ING3: variants seen among roughly 807,000 people sequenced by gnomAD.
ING3 encodes the protein inhibitor of growth family member 3, also known as inhibitor of growth protein 3.
In ING3, 6 loss-of-function variants were observed where a neutral mutation model predicts 64.8. The ratio of observed to expected loss-of-function variants is 0.09; its 90% CI spans 0.05 to 0.18. The LOEUF (loss-of-function observed/expected upper bound fraction) is 0.18, where lower values mean the gene tolerates loss of function less well. Among genes scored for constraint, ING3 ranks in the 10% least tolerant of loss-of-function variants. The pLI, the probability that ING3 is intolerant of heterozygous loss-of-function variation, is 1.00. For synonymous variants in ING3, 170 were observed against 173.7 expected, an observed-to-expected ratio of 0.98 and a Z score of 0.17; for missense variants, 310 against 489.7, an observed-to-expected ratio of 0.63 and a Z score of 3.46.
intron 4 of ING3, among the ~76,000 whole-genome samples, chr7:120,962,073 T>TTGAG (rs1795940089): frequency 6.6e-6 from 1 of 152,136 alleles, no homozygotes. Context: ...ATCATGTAGG[T>TTGAG]TGAGGGAATG....
intron 4 of ING3, among the ~76,000 whole-genome samples, chr7:120,957,229 G>A (rs1242535087): frequency 6.6e-6 from 1 of 152,046 alleles, no homozygotes; most frequent in African/African-American, 2.4e-5. Flanking sequence ...AATATTAGCC[G>A]GGCCTGGTGG....
chr7:120,965,459 G>A (rs1386056076), intron 5 of ING3, among the ~76,000 whole-genome samples: 3 of 152,000 alleles, frequency 2.0e-5, no homozygotes, highest in Admixed American at 6.6e-5. Context: ...AACTAATTTA[G>A]CATTTCTTCA....
Position 120,976,556 on chromosome 7 carries a change from T to C in ING3, c.*1712T>C, listed in dbSNP as rs1417322174. On this transcript the variant is annotated 3_prime_UTR_variant, in exon 12 of 12. Transcript: ENST00000315870. ...GATTTTATAACCCTTTAAGAAGTGATAAATAATGTAGTATTCAATTCGTTT... is the reference window on the plus strand; with the variant it reads ...GATTTTATAACCCTTTAAGAAGTGACAAATAATGTAGTATTCAATTCGTTT... 6.7e-6 allele frequency: 1 copy of C among 149,224 alleles called. No homozygotes were observed. The highest frequency in any genetic ancestry group is 1.5e-5 in the Non-Finnish European group (1 of 68,008). 9.2% of individuals were successfully genotyped at this position (149,224 alleles called of 1,614,324 possible). A position where few individuals can be genotyped will look rare whatever the true frequency, so the allele number is the denominator to read the frequency against.
intron 2 of ING3, among the ~76,000 whole-genome samples, chr7:120,952,182 T>C (rs994532632): frequency 3.3e-5 from 5 of 152,234 alleles, no homozygotes; most frequent in African/African-American, 1.2e-4. Flanking sequence ...TTAATTTTAG[T>C]GTAGTTGAAA....
In ING3 at chr7:120,976,297, C is replaced by T. The variant is rs1303229901; in HGVS notation, c.*1453C>T. On this transcript the variant is annotated 3_prime_UTR_variant, in exon 12 of 12. Transcript: ENST00000315870. ...CTGCTTTAATTAAACCACTTATGAG[C>T]TTCTTAGAACTTATTCAGATAACAG... The T allele has an allele frequency of 6.6e-6, 1 of 152,058 alleles. No homozygotes were observed. The highest frequency in any genetic ancestry group is 2.4e-5 in the African/African-American group (1 of 41,420). The allele number at this position is 152,058 out of a possible 1,614,324, so 9.4% of individuals were successfully genotyped here.
Position 120,954,382 on chromosome 7 carries a change from C to T in ING3, c.201+978C>T, listed in dbSNP as rs373809596. Among the ~76,000 whole-genome samples the T allele has an allele frequency of 9.2e-5, 14 of 151,544 alleles. No homozygotes were observed. In the East Asian group the frequency reaches 1.6e-3, roughly 17 times the overall value. ...TGGAGGTTGCAGTGAGCCTAGATCG[C>T]GCCACTGCACTACAGCCTGGGCAAC... On this transcript the variant is annotated intron_variant, in intron 3 of 11. Coordinates refer to ENST00000315870, the MANE Select transcript of ING3 (RefSeq NM_019071.3).
intron 4 of ING3, chr7:120,956,603 G>A (rs966206043): frequency 1.2e-5 from 12 of 988,148 alleles, no homozygotes; most frequent in Non-Finnish European, 1.3e-5. Context: ...TTTGTTCATA[G>A]AGTTATTCTG....
intron 4 of ING3, among the ~76,000 whole-genome samples, chr7:120,959,789 G>C (rs1795906009): frequency 6.6e-6 from 1 of 151,228 alleles, no homozygotes; most frequent in African/African-American, 2.4e-5. Flanking sequence ...GGGATTACAG[G>C]CGCCCACCAC....
intron 4 of ING3, chr7:120,956,470 A>G: frequency 1.4e-6 from 1 of 739,046 alleles, no homozygotes. Flanking sequence ...TGAACACCAC[A>G]TATGGTGTGA....
intron 4 of ING3, among the ~76,000 whole-genome samples, chr7:120,958,651 G>T (rs983224391): frequency 2.0e-5 from 3 of 152,160 alleles, no homozygotes; most frequent in African/African-American, 7.2e-5. Flanking sequence ...TGCTGCCTTA[G>T]GGCATGTTTT....
At chr7:120,953,890 T>C (rs1455383788) in intron 3 of ING3, among the ~76,000 whole-genome samples, 4 of 152,302 alleles carry the variant, frequency 2.6e-5, no homozygotes, top group Non-Finnish European at 5.9e-5. Flanking sequence ...ATAGAATTCT[T>C]TGAGGTTTTG....
chr7:120,963,719 C>T (rs564498189), intron 4 of ING3, among the ~76,000 whole-genome samples: 10 of 152,226 alleles, frequency 6.6e-5, no homozygotes, highest in Admixed American at 6.5e-4. Context: ...AGGCATCTAA[C>T]CCATGCACAT....
chr7:120,951,828 T>C (rs1795770789), intron 2 of ING3, among the ~76,000 whole-genome samples: 1 of 152,242 alleles, frequency 6.6e-6, no homozygotes, highest in Non-Finnish European at 1.5e-5. Flanking sequence ...GTACTAAAAA[T>C]TTTAGCAGTT....
At position 120,950,795 on chromosome 7, in the gene ING3, T is replaced by A; in HGVS notation, c.-102T>A. On this transcript the variant is annotated 5_prime_UTR_variant, in exon 1 of 12. Coordinates refer to ENST00000315870, the MANE Select transcript of ING3 (RefSeq NM_019071.3). ...TTTTTTGCCGGAGTCGAGCGGGTGC[T>A]GCTAGCGGAGGCGCCATATTGGAGG... 1.6e-6 allele frequency: 1 copy of A among 634,688 alleles called. No homozygotes were observed. Among genetic ancestry groups the A allele is most frequent in the Non-Finnish European group, 2.5e-6 (1 of 400,220 alleles). The allele number at this position is 634,688 out of a possible 1,614,324, so 39.3% of individuals were successfully genotyped here.
At chr7:120,955,676 A>G (rs1425742966) in intron 4 of ING3, 52 bp downstream of exon 4, 3 of 1,187,112 alleles carry the variant, frequency 2.5e-6, no homozygotes, top group South Asian at 1.2e-5. Context: ...ATAACAGATT[A>G]TATCTTAAAT....
intron 4 of ING3, chr7:120,956,587 G>C (rs1405696392): frequency 1.0e-6 from 1 of 990,106 alleles, no homozygotes; most frequent in Non-Finnish European, 1.2e-6. Flanking sequence ...TAACAACCTG[G>C]GCTCTTTTGT....
At chr7:120,956,132 A>G (rs775480782) in intron 4 of ING3, 5 of 1,519,012 alleles carry the variant, frequency 3.3e-6, no homozygotes, top group South Asian at 1.1e-5. Flanking sequence ...CAAGATGACA[A>G]ACTTTAAACA....
chr7:120,953,212 A>G, intron 2 of ING3, 92 bp from the exon 3 acceptor site: 2 of 648,712 alleles, frequency 3.1e-6, no homozygotes, highest in Admixed American at 3.0e-5. Context: ...AAGAGTGTGT[A>G]TTGTCAGATT....
chr7:120,953,761 A>G (rs1203237531), intron 3 of ING3, among the ~76,000 whole-genome samples: 2 of 152,202 alleles, frequency 1.3e-5, no homozygotes, highest in African/African-American at 2.4e-5. Context: ...AATATTTTAT[A>G]TATTGCTAGG....
Sources: allele counts gnomAD v4.1 joint callset (sites outside exome capture counted in the v4.1 genomes callset), GRCh38; gene constraint gnomAD v4.1.1; transcripts MANE v1.5; gene names NCBI Gene and HGNC (gene_info 2026-07-23, HGNC 2026-07-21).